COL4A3: variants seen among roughly 807,000 people sequenced by gnomAD.
The protein encoded by COL4A3 is collagen type IV alpha 3 chain.
Under a neutral mutation model 217.4 loss-of-function variants are expected in COL4A3, and 135 were observed. That is an observed-to-expected ratio of 0.62 (90% CI 0.54 to 0.72). COL4A3 has a LOEUF of 0.72. Among genes scored for constraint, COL4A3 ranks in the 30% least tolerant of loss-of-function variants. COL4A3 has a pLI of 0.00. For missense variants in COL4A3, 1,868 were observed against 2,119.9 expected (o/e 0.88, Z 2.33); for synonymous variants, 690 against 736.3 (o/e 0.94, Z 1.02).
At position 227,251,126 on chromosome 2, in the gene COL4A3, C is replaced by A. The variant is rs1239465603; in HGVS notation, c.547-14C>A. The A allele has an allele frequency of 6.9e-6, 11 of 1,597,898 alleles. No individual in the cohort carries two copies. Among genetic ancestry groups the A allele is most frequent in the Admixed American group, 1.7e-5 (1 of 59,966 alleles). ...TAAATTTAAACTTACTCTTATTCTT[C>A]TCTCAATTTCAAGGGTTTGCCAGGC... On this transcript the variant is annotated splice_polypyrimidine_tract_variant and intron_variant, in intron 9 of 51. Transcript: ENST00000396578.
chr2:227,208,536 C>G (rs924566413), intron 1 of COL4A3, among the ~76,000 whole-genome samples: 1 of 152,106 alleles, frequency 6.6e-6, no homozygotes, highest in African/African-American at 2.4e-5. Flanking sequence ...GATTCCATCT[C>G]CAACCTGACC....
chr2:227,183,202 C>T (rs879674332), intron 1 of COL4A3, among the ~76,000 whole-genome samples: 10 of 152,132 alleles, frequency 6.6e-5, no homozygotes, highest in Non-Finnish European at 1.2e-4. Flanking sequence ...TAGTTCCTCA[C>T]TCTATAAGCA....
In COL4A3 at chr2:227,253,855, CAG is replaced by C. The variant is rs1423932921; in HGVS notation, c.765+220_765+221del. Among the ~76,000 whole-genome samples the C allele has an allele frequency of 4.0e-5, 6 of 151,144 alleles. 1 individual carries two copies. Among genetic ancestry groups the C allele is most frequent in the Non-Finnish European group, 7.4e-5 (5 of 67,920 alleles). ...AGATCTGAGGCTCCAGCTTGGGCAA[CAG>C]AGTGAGACTTCATTTAAAAAAAAAA... On this transcript the variant is annotated intron_variant, in intron 13 of 51. Transcript: ENST00000396578. The surrounding 1 kb of genome is among the most constrained non-coding windows in gnomAD (Gnocchi z 4.4).
intron 1 of COL4A3, among the ~76,000 whole-genome samples, chr2:227,196,148 A>G (rs899786543): frequency 6.6e-6 from 1 of 152,078 alleles, no homozygotes; most frequent in African/African-American, 2.4e-5. Flanking sequence ...ATTAGTTTTT[A>G]TAAATGTAGG....
intron 41 of COL4A3, among the ~76,000 whole-genome samples, chr2:227,295,677 A>C (rs1217336035): frequency 1.3e-5 from 2 of 152,196 alleles, no homozygotes; most frequent in African/African-American, 4.8e-5. Flanking sequence ...CTGTTCTGAG[A>C]CACAGGAGTA....
rs2106237105 is a variant in COL4A3, at chr2:227,295,267, A to G, written c.3518-2A>G. 1 of 1,614,040 alleles carries G rather than the reference A, an allele frequency of 6.2e-7. No homozygotes were observed. The highest frequency in any genetic ancestry group is 8.5e-7 in the Non-Finnish European group (1 of 1,179,886). ...TTAACATGCCAAGATTATCTCTTTC[A>G]GGTTTATTGAGGGCCCCTCCAGGCC... On this transcript the variant is annotated splice_acceptor_variant, in intron 40 of 51. Coordinates refer to ENST00000396578, the MANE Select transcript of COL4A3 (RefSeq NM_000091.5). LOFTEE classifies it high-confidence loss of function.
At chr2:227,188,092 A>C (rs575889987) in intron 1 of COL4A3, among the ~76,000 whole-genome samples, 1 of 152,312 alleles carries the variant, frequency 6.6e-6, no homozygotes, top group East Asian at 1.9e-4. Context: ...CTTTAAAAAA[A>C]TTAAAATAAA....
In COL4A3 at chr2:227,179,774, G is replaced by C. The variant is rs578043284; in HGVS notation, c.87+14961G>C. On this transcript the variant is annotated intron_variant, in intron 1 of 51. Coordinates refer to ENST00000396578, the MANE Select transcript of COL4A3 (RefSeq NM_000091.5). ...ATGTGGTCCCTTCTGTCCTCATGGA[G>C]TATGCAATCAAGTGATGGGCTTAGA... 3.9e-5 allele frequency among the ~76,000 whole-genome samples: 6 copies of C among 152,324 alleles called. No individual in the cohort carries two copies. The East Asian group carries it at 9.6e-4, about 24-fold the overall frequency.
At chr2:227,239,351 CA>C (rs1391883599) in intron 2 of COL4A3, among the ~76,000 whole-genome samples, 1 of 152,154 alleles carries the variant, frequency 6.6e-6, no homozygotes, top group Non-Finnish European at 1.5e-5. Context: ...AGGTTATATG[CA>C]AATACGATGC....
At chr2:227,192,604 C>T (rs1359729171) in intron 1 of COL4A3, among the ~76,000 whole-genome samples, 1 of 152,170 alleles carries the variant, frequency 6.6e-6, no homozygotes, top group Non-Finnish European at 1.5e-5. Flanking sequence ...GTCTCATGTG[C>T]CCCAAGTCCT....
At chr2:227,192,026 C>A (rs936097625) in intron 1 of COL4A3, among the ~76,000 whole-genome samples, 4 of 152,164 alleles carry the variant, frequency 2.6e-5, no homozygotes, top group African/African-American at 9.7e-5. Flanking sequence ...TAAAGCAAAT[C>A]TTTAAAAAGG....
At position 227,270,869 on chromosome 2, in the gene COL4A3, A is replaced by G. The variant is rs767941255; in HGVS notation, c.1675A>G (p.Arg559Gly). The G allele has an allele frequency of 5.0e-6, 8 of 1,614,214 alleles. No individual in the cohort carries two copies. Among genetic ancestry groups the G allele is most frequent in the Non-Finnish European group, 6.8e-6 (8 of 1,180,018 alleles). The change falls in exon 25 of 52, where the codon AGA becomes GGA. Residue 559 changes from arginine (R) to glycine (G), a missense_variant. Around this residue, in one of 2 missense-constraint regions of COL4A3, gnomAD observed 1,503 missense variants for 1,786.1 expected, o/e 0.84. Transcript: ENST00000396578. ...QVGVPGDPGL[R>G]GQPGRKGLDG... ...GGGTGTCCCAGGTGACCCGGGGCTC[A>G]GAGGCCAACCTGGGAGAAAGGGCTT...
rs1469479748 is a variant in COL4A3, at chr2:227,253,310, AAG to A, written c.663_664del (p.Arg221SerfsTer5). The stretch of plus-strand genomic sequence containing the variant: ...TTTTCTTACAGGGTCACATGGGTGA[AAG>A]AGTGATAGGACATAAAGGAGAGCGG... ...PRGPKGHMGE[R>X]VIGHKGERGV... On this transcript the variant is annotated frameshift_variant, in exon 12 of 52. Transcript: ENST00000396578. LOFTEE classifies it high-confidence loss of function. This position sits in a 1 kb window ranked among gnomAD's most constrained non-coding sequence, Gnocchi z 4.4. The A allele has an allele frequency of 2.7e-5, 43 of 1,613,728 alleles. No homozygotes were observed. The highest frequency in any genetic ancestry group is 3.6e-5 in the Non-Finnish European group (42 of 1,179,724).
At chr2:227,301,979 A>G (rs1253318284) in intron 43 of COL4A3, 1 of 152,234 alleles carries the variant, frequency 6.6e-6, no homozygotes, top group Non-Finnish European at 1.5e-5. Flanking sequence ...CATGACCTTC[A>G]AAGCACATTA....
chr2:227,180,456 C>A (rs1400341251), intron 1 of COL4A3, among the ~76,000 whole-genome samples: 1 of 152,192 alleles, frequency 6.6e-6, no homozygotes, highest in East Asian at 1.9e-4. Flanking sequence ...ACGGAACATT[C>A]AGAGCCCATG....
At chr2:227,310,191 C>A (rs1339744425) in intron 50 of COL4A3, among the ~76,000 whole-genome samples, 2 of 152,196 alleles carry the variant, frequency 1.3e-5, no homozygotes, top group African/African-American at 4.8e-5. Context: ...GATGTAAATG[C>A]TAGTGAAGAA....
chr2:227,277,224 C>T (rs895419484), intron 27 of COL4A3, among the ~76,000 whole-genome samples: 12 of 150,486 alleles, frequency 8.0e-5, no homozygotes, highest in Admixed American at 1.3e-4. Context: ...GAGGCTGAGG[C>T]GGGAGAATGG....
chr2:227,235,792 T>TTTA (rs1232673741), intron 1 of COL4A3, among the ~76,000 whole-genome samples: 1 of 113,710 alleles, frequency 8.8e-6, no homozygotes, highest in Non-Finnish European at 1.9e-5. Flanking sequence ...TTTTTTTTTT[T>TTTA]AATGGAGTTT....
intron 1 of COL4A3, among the ~76,000 whole-genome samples, chr2:227,175,848 A>C (rs565419126): frequency 2.4e-4 from 36 of 152,246 alleles, no homozygotes; most frequent in Non-Finnish European, 5.1e-4. Flanking sequence ...ATTAGTAATG[A>C]AATGACAGTG....
Sources: allele counts gnomAD v4.1 joint callset (sites outside exome capture counted in the v4.1 genomes callset), GRCh38; gene constraint gnomAD v4.1.1; regional missense constraint gnomAD v4.1.1; non-coding constraint Gnocchi (gnomAD v3.1); transcripts MANE v1.5; gene names NCBI Gene and HGNC (gene_info 2026-07-23, HGNC 2026-07-21).